PRELID2: variants seen among roughly 807,000 people sequenced by gnomAD.
The protein encoded by PRELID2 is PRELI domain-containing protein 2.
A neutral mutation model predicts 28.4 loss-of-function variants in PRELID2; 25 were observed. The observed-to-expected ratio is 0.88, with a 90% CI of 0.64 to 1.23. PRELID2 has a LOEUF of 1.23. Ranked by LOEUF, PRELID2 falls within the 50% of genes most tolerant of loss-of-function variation. The probability of loss-of-function intolerance (pLI) is 0.00; values close to 1 mark genes in which losing one functional copy is unlikely to be tolerated. For missense variants in PRELID2, 201 were observed against 214.4 expected, an observed-to-expected ratio of 0.94 and a Z score of 0.39; for synonymous variants, 76 against 71.6, an observed-to-expected ratio of 1.06 and a Z score of -0.31.
chr5:145,600,430 A>G (rs1190233166), intron 1 of PRELID2, among the ~76,000 whole-genome samples: 9 of 125,634 alleles, frequency 7.2e-5, no homozygotes, highest in African/African-American at 4.0e-4. Context: ...GAAAAAAAAA[A>G]AAAAATATAT....
the PRELID2 span, among the ~76,000 whole-genome samples, chr5:145,335,255 C>G: frequency 6.6e-6 from 1 of 151,682 alleles, no homozygotes; most frequent in East Asian, 1.9e-4. Context: ...GATGTTGAAG[C>G]TTTCTCTTGC....
chr5:145,444,821 A>G, the PRELID2 span, among the ~76,000 whole-genome samples: 1 of 152,104 alleles, frequency 6.6e-6, no homozygotes, highest in Non-Finnish European at 1.5e-5. Flanking sequence ...TAGATTATGT[A>G]TGTAAATACA....
chr5:145,498,632 G>A (rs911822157), intron 1 of PRELID2, among the ~76,000 whole-genome samples: 6 of 152,198 alleles, frequency 3.9e-5, no homozygotes, highest in East Asian at 1.9e-4. Flanking sequence ...CGGTTCAAGC[G>A]ATTCTCCTGC....
intron 1 of PRELID2, among the ~76,000 whole-genome samples, chr5:145,681,587 T>C (rs1259785297): frequency 6.6e-6 from 1 of 152,180 alleles, no homozygotes; most frequent in East Asian, 1.9e-4. Flanking sequence ...CTTTCTGGAT[T>C]ATGTGTAAGT....
intron 4 of PRELID2, among the ~76,000 whole-genome samples, chr5:145,803,794 G>A (rs1241825939): frequency 6.8e-6 from 1 of 146,512 alleles, no homozygotes; most frequent in Non-Finnish European, 1.5e-5. Context: ...TGAAAATCCA[G>A]CCCGAGGCAA....
At position 145,737,808 on chromosome 5, in the gene PRELID2, A is replaced by G. The variant is rs374828886; in HGVS notation, n.70+27123T>C. Among the ~76,000 whole-genome samples, 478 of 152,330 alleles carry G rather than the reference A, an allele frequency of 3.1e-3. 1 individual carries two copies. The highest frequency in any genetic ancestry group is 0.011 in the African/African-American group (442 of 41,578). On this transcript the variant is annotated intron_variant and non_coding_transcript_variant, in intron 1 of 2. Transcript: ENST00000510259. Reference sequence around the variant, plus strand: ...AGGGCAGGGGGCCAATCCTCCTGCCAGGGTGTTGCCAGAGAAGACCTAGTA... The same window carrying G: ...AGGGCAGGGGGCCAATCCTCCTGCCGGGGTGTTGCCAGAGAAGACCTAGTA...
rs546722928 is a variant in PRELID2 at position 145,568,295 on chromosome 5, C to T, written n.71-94980G>A. Among the ~76,000 whole-genome samples the T allele has an allele frequency of 4.3e-4, 65 of 152,318 alleles. 1 individual carries two copies. The highest frequency in any genetic ancestry group is 1.5e-3 in the African/African-American group (64 of 41,552). ...GGGGACAGAATTCTCCCCCAATCTCCCCCGGCAGATGTTAGCGTCTATTGT... is the reference window on the plus strand; with the variant it reads ...GGGGACAGAATTCTCCCCCAATCTCTCCCGGCAGATGTTAGCGTCTATTGT... On this transcript the variant is annotated intron_variant and non_coding_transcript_variant, in intron 1 of 2. Transcript: ENST00000510259.
At chr5:145,741,263 T>C (rs1384698562) in intron 1 of PRELID2, among the ~76,000 whole-genome samples, 1 of 113,246 alleles carries the variant, frequency 8.8e-6, no homozygotes, top group African/African-American at 3.6e-5. Flanking sequence ...ATAAATAATA[T>C]ATATTTATAT....
chr5:145,820,116 GTTTTTTGTTTTT>G (rs938229357), intron 2 of PRELID2, 98 bp from the exon 3 acceptor site: 82 of 540,790 alleles, frequency 1.5e-4, no homozygotes, highest in African/African-American at 7.3e-4. Flanking sequence ...TTTGTTTTTT[GTTTTTTGTTTTT>G]TTTTTTTGAG....
intron 1 of PRELID2, among the ~76,000 whole-genome samples, chr5:145,666,278 G>A (rs1231731154): frequency 2.0e-5 from 3 of 151,972 alleles, no homozygotes; most frequent in African/African-American, 7.2e-5. Context: ...TGGATTATTT[G>A]CCCACCCTTG....
At chr5:145,423,144 C>T in the PRELID2 span, among the ~76,000 whole-genome samples, 26 of 151,964 alleles carry the variant, frequency 1.7e-4, no homozygotes, top group Non-Finnish European at 3.2e-4. Context: ...GGTAACCCAA[C>T]CTTTCTCTCT....
the PRELID2 span, among the ~76,000 whole-genome samples, chr5:145,296,819 GT>G: frequency 6.6e-6 from 1 of 152,130 alleles, no homozygotes; most frequent in Non-Finnish European, 1.5e-5. Context: ...CAGTGTAAAA[GT>G]GTTCCTATTT....
intron 1 of PRELID2, among the ~76,000 whole-genome samples, chr5:145,744,940 A>G (rs748387498): frequency 2.0e-5 from 3 of 152,084 alleles, no homozygotes; most frequent in Non-Finnish European, 4.4e-5. Flanking sequence ...GTTCTAACCC[A>G]ATGCAAAGAA....
At chr5:145,229,960 A>G in the PRELID2 span, 1 of 746,014 alleles carries the variant, frequency 1.3e-6, no homozygotes, top group Non-Finnish European at 2.5e-6. Context: ...GTGCAGGGTG[A>G]TTATGAGCCG....
chr5:145,262,274 A>G, the PRELID2 span, among the ~76,000 whole-genome samples: 2 of 152,134 alleles, frequency 1.3e-5, no homozygotes, highest in African/African-American at 2.4e-5. Context: ...AACATATTTG[A>G]GGGAATAATT....
the PRELID2 span, among the ~76,000 whole-genome samples, chr5:145,449,214 G>A: frequency 1.3e-5 from 2 of 152,092 alleles, no homozygotes; most frequent in Non-Finnish European, 2.9e-5. Flanking sequence ...GTTAGCACAT[G>A]TTCATTCTAA....
At chr5:145,609,556 A>C (rs1419459880) in intron 1 of PRELID2, among the ~76,000 whole-genome samples, 1 of 152,146 alleles carries the variant, frequency 6.6e-6, no homozygotes, top group Non-Finnish European at 1.5e-5. Flanking sequence ...TTCCTGGGAG[A>C]AGATGGGGTT....
chr5:145,257,168 T>C, the PRELID2 span, among the ~76,000 whole-genome samples: 470 of 152,048 alleles, frequency 3.1e-3, 6 homozygotes, highest in African/African-American at 0.011. Context: ...GGAGAAATAA[T>C]TTAACAGTGT....
intron 1 of PRELID2, among the ~76,000 whole-genome samples, chr5:145,641,097 G>T (rs1462113921): frequency 6.6e-6 from 1 of 152,110 alleles, no homozygotes; most frequent in Non-Finnish European, 1.5e-5. Flanking sequence ...GGGTAGAAAA[G>T]GATTTGTTTA....
Sources: allele counts gnomAD v4.1 joint callset (sites outside exome capture counted in the v4.1 genomes callset), GRCh38; gene constraint gnomAD v4.1.1; transcripts MANE v1.5; gene names NCBI Gene and HGNC (gene_info 2026-07-23, HGNC 2026-07-21).